The following NECAB2 variants were observed in gnomAD, a reference collection of about 807,000 sequenced individuals.
NECAB2 encodes N-terminal EF-hand calcium-binding protein 2.
Under a neutral mutation model 51.9 loss-of-function variants are expected in NECAB2, and 68 were observed. That is an observed-to-expected ratio of 1.31 (90% CI 1.08 to 1.60). The LOEUF (loss-of-function observed/expected upper bound fraction) is 1.60, where lower values mean the gene tolerates loss of function less well. NECAB2 is among the 40% of genes most tolerant of loss of function. The pLI, the probability that NECAB2 is intolerant of heterozygous loss-of-function variation, is 0.00. For synonymous variants in NECAB2, 329 were observed against 203.5 expected, an observed-to-expected ratio of 1.62 and a Z score of -5.25; for missense variants, 854 against 490.3, an observed-to-expected ratio of 1.74 and a Z score of -7.00.
rs188241579 is a variant in NECAB2 at position 84,001,730 on chromosome 16, C to G, written c.1041-95C>G. ...AAGACCCCCCGTGCTTATTGATAAG[C>G]TCCCCATTTTGGGCTAGAGCTAGGA... On this transcript the variant is annotated intron_variant, in intron 11 of 12. Coordinates refer to ENST00000305202, the MANE Select transcript of NECAB2 (RefSeq NM_019065.3). 4.1e-4 allele frequency: 548 copies of G among 1,346,898 alleles called. 7 individuals carry two copies. The East Asian group carries it at 0.013, about 31-fold the overall frequency. The allele number at this position is 1,346,898 out of a possible 1,614,324, so 83.4% of individuals were successfully genotyped here.
chr16:83,975,582 G>T (rs1442260135), intron 2 of NECAB2, among the ~76,000 whole-genome samples: 1 of 152,142 alleles, frequency 6.6e-6, no homozygotes, highest in Non-Finnish European at 1.5e-5. Context: ...TGTCAGGGTG[G>T]CTCCTGTGAC....
chr16:83,992,457 C>T (rs1460430845), intron 6 of NECAB2, among the ~76,000 whole-genome samples: 3 of 148,872 alleles, frequency 2.0e-5, no homozygotes, highest in Non-Finnish European at 4.4e-5. Flanking sequence ...AGCTGATGTG[C>T]TTGACACAGA....
intron 5 of NECAB2, among the ~76,000 whole-genome samples, chr16:83,984,436 TCTG>T (rs749298658): frequency 3.1e-4 from 47 of 151,590 alleles, no homozygotes; most frequent in Non-Finnish European, 5.7e-4. Context: ...CAATAAAAGA[TCTG>T]CTGCCGCTCA....
chr16:83,998,369 G>A, intron 10 of NECAB2, 52 bp downstream of exon 10: 3 of 1,542,550 alleles, frequency 1.9e-6, no homozygotes, highest in Non-Finnish European at 2.7e-6. Flanking sequence ...GCTCTGCCTG[G>A]CAGTGGAGGA....
At chr16:83,995,838 C>T (rs559252161) in intron 8 of NECAB2, among the ~76,000 whole-genome samples, 1 of 152,340 alleles carries the variant, frequency 6.6e-6, no homozygotes, top group East Asian at 1.9e-4. Context: ...TTACCCCCTT[C>T]CTGAAGCCAG....
chr16:83,966,532 G>T (rs1396249949), upstream of NECAB2, among the ~76,000 whole-genome samples: 1 of 152,100 alleles, frequency 6.6e-6, no homozygotes, highest in East Asian at 1.9e-4. Flanking sequence ...CTGTACTAGA[G>T]TCTGGGGGTG....
chr16:83,994,654 G>C lies in NECAB2; in HGVS notation c.761G>C (p.Arg254Pro). 1 of 1,614,122 alleles carries C rather than the reference G, an allele frequency of 6.2e-7. No individual in the cohort carries two copies. The highest frequency in any genetic ancestry group is 8.5e-7 in the Non-Finnish European group (1 of 1,180,034). Reference sequence around the variant, plus strand: ...GAGGGTCTGGAAGCCCAGATCAGCCGCTTGGCAGAGCTGATTGGGAGGCTG... The same window carrying C: ...GAGGGTCTGGAAGCCCAGATCAGCCCCTTGGCAGAGCTGATTGGGAGGCTG... ...KEEGLEAQIS[R>P]LAELIGRLES... Residue 254 changes from arginine to proline, a missense_variant, in exon 8 of 13, where the codon CGC becomes CCC. By Grantham distance (103) the Arg-to-Pro change is moderately radical. Transcript: ENST00000305202.
chr16:83,986,743 C>G (rs1365074697), intron 5 of NECAB2, among the ~76,000 whole-genome samples: 2 of 148,902 alleles, frequency 1.3e-5, no homozygotes. Context: ...TAGTCTCAAA[C>G]TCCTGGGCTG....
At position 83,997,198 on chromosome 16, in the gene NECAB2, T is replaced by A. The variant is rs1258491662; in HGVS notation, c.796-18T>A. On this transcript the variant is annotated intron_variant, in intron 8 of 12. Transcript: ENST00000305202. ...TGGGGCTCTGGGTCTAGCATCACTGTGTGCTGGATTGTTTCAGGCACTGTG... is the reference window on the plus strand; with the variant it reads ...TGGGGCTCTGGGTCTAGCATCACTGAGTGCTGGATTGTTTCAGGCACTGTG... The A allele has an allele frequency of 6.2e-7, 1 of 1,614,052 alleles. No homozygotes were observed. The highest frequency in any genetic ancestry group is 1.7e-5 in the Admixed American group (1 of 60,006).
At chr16:83,971,304 G>A (rs1482549445) in intron 1 of NECAB2, 1 of 152,204 alleles carries the variant, frequency 6.6e-6, no homozygotes, top group Non-Finnish European at 1.5e-5. Flanking sequence ...AAATCAGAGT[G>A]GGCCTCACAG....
At chr16:84,001,185 T>TCCAGCTGAGTGCCCGGTA (rs2084825263) in intron 11 of NECAB2, among the ~76,000 whole-genome samples, 2 of 151,782 alleles carry the variant, frequency 1.3e-5, no homozygotes, top group South Asian at 4.1e-4. Context: ...TAACCTCCCC[T>TCCAGCTGAGTGCCCGGTA]CCAGCTGAGT....
chr16:83,974,976 A>C (rs1206404460), intron 2 of NECAB2, among the ~76,000 whole-genome samples: 1 of 140,282 alleles, frequency 7.1e-6, no homozygotes, highest in Non-Finnish European at 1.5e-5. Context: ...ACAGGTGTGC[A>C]GGGAGGTGTG....
At chr16:83,984,231 G>C (rs1451353407) in intron 5 of NECAB2, among the ~76,000 whole-genome samples, 1 of 151,602 alleles carries the variant, frequency 6.6e-6, no homozygotes, top group African/African-American at 2.4e-5. Context: ...TCCTGACCTC[G>C]TGATCTGTCC....
chr16:83,996,150 G>A (rs1301832620), intron 8 of NECAB2, among the ~76,000 whole-genome samples: 1 of 152,192 alleles, frequency 6.6e-6, no homozygotes, highest in Non-Finnish European at 1.5e-5. Context: ...GGGGCCCCTG[G>A]CTGGGAGAAG....
chr16:83,992,074 C>T (rs1178209929), intron 6 of NECAB2, among the ~76,000 whole-genome samples: 1 of 152,158 alleles, frequency 6.6e-6, no homozygotes, highest in African/African-American at 2.4e-5. Context: ...GTTTACGATC[C>T]AGCTTGAATC....
At chr16:83,986,679 ATTT>A (rs113038465) in intron 5 of NECAB2, among the ~76,000 whole-genome samples, 2,314 of 135,078 alleles carry the variant, frequency 0.017, 67 homozygotes, top group African/African-American at 0.059. Context: ...CTCACGGCAA[ATTT>A]TTTTTTTTTT....
intron 1 of NECAB2, among the ~76,000 whole-genome samples, chr16:83,971,116 G>T (rs1159334302): frequency 1.3e-5 from 2 of 151,876 alleles, no homozygotes; most frequent in African/African-American, 4.8e-5. Context: ...AATAGTGCTG[G>T]TGAATCAGTC....
chr16:83,983,598 T>TC (rs1957150728), intron 5 of NECAB2, among the ~76,000 whole-genome samples: 1 of 152,234 alleles, frequency 6.6e-6, no homozygotes, highest in Admixed American at 6.5e-5. Flanking sequence ...ATGATTTTTT[T>TC]CCCCTAAGCT....
chr16:83,980,661 C>T (rs2084474987), intron 3 of NECAB2, among the ~76,000 whole-genome samples, 178 bp from the exon 4 acceptor site: 1 of 152,040 alleles, frequency 6.6e-6, no homozygotes, highest in African/African-American at 2.4e-5. Context: ...CAGACGTGGG[C>T]CTTCAGGGGC....
Sources: allele counts gnomAD v4.1 joint callset (sites outside exome capture counted in the v4.1 genomes callset), GRCh38; gene constraint gnomAD v4.1.1; transcripts MANE v1.5; gene names NCBI Gene and HGNC (gene_info 2026-07-23, HGNC 2026-07-21).